Variants in EPHA6 observed in about 807,000 individuals in gnomAD.
EPHA6 encodes the protein ephrin type-A receptor 6.
A neutral mutation model predicts 112.0 loss-of-function variants in EPHA6; 50 were observed. That is an observed-to-expected ratio of 0.45 (90% CI 0.36 to 0.56). EPHA6 has a LOEUF of 0.56. Among genes scored for constraint, EPHA6 ranks in the 20% least tolerant of loss-of-function variants. The pLI is 0.00. For missense variants in EPHA6, 1,280 were observed against 1,417.4 expected, an observed-to-expected ratio of 0.90 and a Z score of 1.56; for synonymous variants, 529 against 490.7, an observed-to-expected ratio of 1.08 and a Z score of -1.03.
intron 1 of EPHA6, among the ~76,000 whole-genome samples, chr3:96,866,441 T>G (rs2036316731): frequency 6.6e-6 from 1 of 151,994 alleles, no homozygotes; most frequent in African/African-American, 2.4e-5. Context: ...TCAAGAAATC[T>G]GCTTTAATAC....
intron 3 of EPHA6, among the ~76,000 whole-genome samples, chr3:97,218,110 A>C (rs2078083948): frequency 6.6e-6 from 1 of 152,076 alleles, no homozygotes; most frequent in Non-Finnish European, 1.5e-5. Context: ...CCTCTCTACA[A>C]AAAATACAAA....
At chr3:97,335,608 C>A (rs185726417) in intron 5 of EPHA6, among the ~76,000 whole-genome samples, 1 of 152,256 alleles carries the variant, frequency 6.6e-6, no homozygotes, top group African/African-American at 2.4e-5. Context: ...TAGCCTCCAT[C>A]CCTTACCCAG....
At chr3:97,512,609 G>A (rs752717676) in intron 10 of EPHA6, among the ~76,000 whole-genome samples, 3 of 152,082 alleles carry the variant, frequency 2.0e-5, no homozygotes, top group Non-Finnish European at 4.4e-5. Context: ...CTGTCACCCA[G>A]GCTAGAATGC....
chr3:97,322,662 A>T (rs1167033727), intron 5 of EPHA6, among the ~76,000 whole-genome samples: 1 of 152,094 alleles, frequency 6.6e-6, no homozygotes, highest in African/African-American at 2.4e-5. Flanking sequence ...ATGCTATAAA[A>T]AAACAAGATT....
intron 1 of EPHA6, among the ~76,000 whole-genome samples, chr3:96,815,669 A>C (rs2032720882): frequency 6.6e-6 from 1 of 152,138 alleles, no homozygotes; most frequent in Admixed American, 6.5e-5. Context: ...CAAGTCACTG[A>C]CAGATTGCTT....
chr3:97,186,535 C>T (rs1388512716), intron 3 of EPHA6, among the ~76,000 whole-genome samples: 2 of 152,090 alleles, frequency 1.3e-5, no homozygotes, highest in East Asian at 3.9e-4. Context: ...TCGCTGAACA[C>T]TTTGTCCAAT....
At chr3:97,581,204 A>G (rs977569908) in intron 11 of EPHA6, among the ~76,000 whole-genome samples, 2 of 152,222 alleles carry the variant, frequency 1.3e-5, no homozygotes, top group African/African-American at 4.8e-5. Context: ...GGCTGTTTGT[A>G]TTATTCAGTG....
chr3:97,474,864 A>G (rs1457803159), intron 7 of EPHA6, among the ~76,000 whole-genome samples: 1 of 152,046 alleles, frequency 6.6e-6, no homozygotes, highest in Admixed American at 6.6e-5. Context: ...AGAATCCACA[A>G]TTTTAGTGTT....
At chr3:97,382,594 T>A (rs1380859508) in intron 5 of EPHA6, among the ~76,000 whole-genome samples, 4 of 152,070 alleles carry the variant, frequency 2.6e-5, no homozygotes, top group Admixed American at 2.0e-4. Flanking sequence ...CTCTTTCAAA[T>A]AACTAAAGCA....
chr3:97,460,804 C>G (rs2090861851), intron 7 of EPHA6, among the ~76,000 whole-genome samples: 1 of 152,154 alleles, frequency 6.6e-6, no homozygotes, highest in African/African-American at 2.4e-5. Flanking sequence ...TTTGCAGCTA[C>G]CACATGTCAA....
chr3:97,734,949 A>T (rs1489685620), intron 15 of EPHA6, among the ~76,000 whole-genome samples: 2 of 152,002 alleles, frequency 1.3e-5, no homozygotes, highest in African/African-American at 4.8e-5. Flanking sequence ...CACTAAACAG[A>T]TGAATTTCCT....
At chr3:96,815,053 G>A in intron 1 of EPHA6, 45 bp downstream of exon 1, 3 of 1,460,672 alleles carry the variant, frequency 2.1e-6, no homozygotes, top group African/African-American at 1.4e-5. Context: ...GAGGAGGAGG[G>A]TGCTTGGAGA....
intron 5 of EPHA6, among the ~76,000 whole-genome samples, chr3:97,274,288 A>G (rs1353562849): frequency 1.3e-5 from 2 of 152,168 alleles, no homozygotes; most frequent in Non-Finnish European, 2.9e-5. Flanking sequence ...AAAACTGGCC[A>G]TGAGGGACAG....
intron 3 of EPHA6, among the ~76,000 whole-genome samples, chr3:96,997,963 A>G (rs780898467): frequency 1.1e-4 from 16 of 152,010 alleles, no homozygotes; most frequent in Non-Finnish European, 2.1e-4. Flanking sequence ...GTTCTTTGTC[A>G]TGATTTATAA....
At chr3:97,374,582 TCACC>T (rs1371044912) in intron 5 of EPHA6, among the ~76,000 whole-genome samples, 1 of 152,088 alleles carries the variant, frequency 6.6e-6, no homozygotes, top group East Asian at 1.9e-4. Context: ...ATTGAACCTG[TCACC>T]CAGGCAGTCA....
chr3:97,308,946 C>A lies in EPHA6; in HGVS notation c.1606+64659C>A, dbSNP rs547690052. Among the ~76,000 whole-genome samples the A allele has an allele frequency of 1.3e-4, 20 of 151,830 alleles. No homozygotes were observed. The South Asian group carries it at 3.7e-3, about 28-fold the overall frequency. On this transcript the variant is annotated intron_variant, in intron 5 of 17. Coordinates refer to ENST00000389672, the MANE Select transcript of EPHA6 (RefSeq NM_001080448.3). ...AATCACAGCATATGTGAGTTTAAAT[C>A]ACTATATAAAAGTATATCTCACTTA...
At chr3:97,179,779 G>C (rs1342227449) in intron 3 of EPHA6, among the ~76,000 whole-genome samples, 1 of 141,726 alleles carries the variant, frequency 7.1e-6, no homozygotes, top group Non-Finnish European at 1.5e-5. Flanking sequence ...ACTTAAAGCT[G>C]GAGGTGGGGT....
chr3:97,122,325 C>T (rs1409945290), intron 3 of EPHA6, among the ~76,000 whole-genome samples: 1 of 151,992 alleles, frequency 6.6e-6, no homozygotes, highest in Non-Finnish European at 1.5e-5. Context: ...TTAACAATAT[C>T]ATCTCAATGA....
At chr3:97,430,784 C>T (rs907491723) in intron 6 of EPHA6, among the ~76,000 whole-genome samples, 1 of 151,924 alleles carries the variant, frequency 6.6e-6, no homozygotes, top group African/African-American at 2.4e-5. Flanking sequence ...TCAAAATGTC[C>T]TTTCTCAGAA....
Sources: gnomAD v4.1 joint callset for allele counts (sites outside exome capture counted in the v4.1 genomes callset) on GRCh38, gnomAD v4.1.1 for gene constraint, MANE v1.5 for transcripts, NCBI Gene and HGNC (gene_info 2026-07-23, HGNC 2026-07-21) for gene names.